The following PTPRN2 variants were observed in gnomAD, a reference collection of about 807,000 sequenced individuals.
PTPRN2 encodes the protein receptor-type tyrosine-protein phosphatase N2.
A neutral mutation model predicts 118.8 loss-of-function variants in PTPRN2; 74 were observed. The ratio of observed to expected loss-of-function variants is 0.62; its 90% CI spans 0.52 to 0.76. The LOEUF (loss-of-function observed/expected upper bound fraction) is 0.76, where lower values mean the gene tolerates loss of function less well. Among genes scored for constraint, PTPRN2 ranks in the 30% least tolerant of loss-of-function variants. The pLI is 0.00. For missense variants in PTPRN2, 1,481 were observed against 1,394.4 expected (o/e 1.06, Z -0.99); for synonymous variants, 641 against 608.0 (o/e 1.05, Z -0.80).
intron 14 of PTPRN2, among the ~76,000 whole-genome samples, chr7:157,649,117 TTCA>T: frequency 7.7e-6 from 1 of 130,592 alleles, no homozygotes; most frequent in Non-Finnish European, 1.7e-5. Flanking sequence ...GTCGGACCCA[TTCA>T]CTGTGCACTG....
At chr7:157,589,067 C>T (rs566210492) in intron 17 of PTPRN2, among the ~76,000 whole-genome samples, 5 of 152,244 alleles carry the variant, frequency 3.3e-5, no homozygotes, top group Non-Finnish European at 7.3e-5. Context: ...TCAGAGCATT[C>T]TCATCTTCCC....
intron 11 of PTPRN2, among the ~76,000 whole-genome samples, chr7:157,899,880 AGC>A (rs1373918554): frequency 6.6e-6 from 1 of 152,218 alleles, no homozygotes; most frequent in African/African-American, 2.4e-5. Flanking sequence ...GATGGGGTAG[AGC>A]CCCAGGGGAG....
At chr7:158,328,359 G>A (rs572061287) in intron 2 of PTPRN2, among the ~76,000 whole-genome samples, 14 of 152,192 alleles carry the variant, frequency 9.2e-5, no homozygotes, top group Non-Finnish European at 1.6e-4. Context: ...AGCTTAGTTC[G>A]TAATGAAACC....
intron 12 of PTPRN2, among the ~76,000 whole-genome samples, chr7:157,693,156 G>C (rs921800882): frequency 5.9e-5 from 9 of 152,044 alleles, no homozygotes; most frequent in Non-Finnish European, 1.3e-4. Context: ...GAGAAGGGAC[G>C]GGGAGGGGAG....
At chr7:157,842,410 C>CT (rs11316558) in intron 12 of PTPRN2, among the ~76,000 whole-genome samples, 2,334 of 93,202 alleles carry the variant, frequency 0.025, 148 homozygotes, top group African/African-American at 0.075. Flanking sequence ...ATTCAGGAGA[C>CT]TTTTTTTTTT....
At chr7:157,698,884 A>G (rs1797936539) in intron 12 of PTPRN2, among the ~76,000 whole-genome samples, 3 of 152,240 alleles carry the variant, frequency 2.0e-5, no homozygotes, top group African/African-American at 7.2e-5. Context: ...ACTGAGCTAA[A>G]ATTCCTTAGA....
At chr7:158,045,005 G>A (rs1808742634) in intron 11 of PTPRN2, among the ~76,000 whole-genome samples, 1 of 152,126 alleles carries the variant, frequency 6.6e-6, no homozygotes, top group Non-Finnish European at 1.5e-5. Flanking sequence ...CCACTGCTCG[G>A]TTATATTTTA....
In PTPRN2 at chr7:158,168,362, C is replaced by T. The variant is rs150999482; in HGVS notation, c.550-1071G>A. 8.9e-3 allele frequency among the ~76,000 whole-genome samples: 1,352 copies of T among 152,314 alleles called. 10 individuals are homozygous for T. The highest frequency in any genetic ancestry group is 0.015 in the Admixed American group (233 of 15,300). On this transcript the variant is annotated intron_variant, in intron 5 of 22. Transcript: ENST00000389418. ...TCCCAGACACATTCATGAGGCTCGG[C>T]GGTGCCTCCCTGGTGGCTAATGATG...
intron 11 of PTPRN2, among the ~76,000 whole-genome samples, chr7:157,947,668 T>C (rs1471928167): frequency 6.6e-6 from 1 of 152,102 alleles, no homozygotes; most frequent in East Asian, 1.9e-4. Flanking sequence ...ACCAATACTA[T>C]CCCAAATTTG....
rs1282636905 is a variant in PTPRN2, at chr7:158,171,296, T to TAC, written c.550-4006_550-4005insGT. On this transcript the variant is annotated intron_variant, in intron 5 of 22. Transcript: ENST00000389418. Reference sequence around the variant, plus strand: ...ATATACACACATATATATACACACATATATATACACACATATATATATATA... The same window carrying TAC: ...ATATACACACATATATATACACACATACATATATACACACATATATATATATA... Among the ~76,000 whole-genome samples, 121 of 34,758 alleles carry TAC rather than the reference T, an allele frequency of 3.5e-3. 2 individuals are homozygous for TAC. The highest frequency in any genetic ancestry group is 0.031 in the Middle Eastern group (1 of 32). The allele number at this position is 34,758 out of a possible 152,430, so 22.8% of individuals were successfully genotyped here. A position where few individuals can be genotyped will look rare whatever the true frequency, so the allele number is the denominator to read the frequency against.
intron 12 of PTPRN2, chr7:157,857,814 G>A (rs1645881751): frequency 6.6e-6 from 1 of 152,434 alleles, no homozygotes; most frequent in Admixed American, 6.5e-5. Context: ...AGAAACAGAT[G>A]TGAGCAGGCG....
intron 2 of PTPRN2, among the ~76,000 whole-genome samples, chr7:158,328,873 G>A (rs944283599): frequency 6.7e-6 from 1 of 148,966 alleles, no homozygotes; most frequent in African/African-American, 2.5e-5. Flanking sequence ...TGAGCGACAA[G>A]CGGGACCTCT....
At chr7:158,468,651 G>T (rs1017948018) in intron 2 of PTPRN2, among the ~76,000 whole-genome samples, 2 of 152,186 alleles carry the variant, frequency 1.3e-5, no homozygotes, top group Non-Finnish European at 2.9e-5. Context: ...CTTGAATAGA[G>T]AGGGGTGCGC....
intron 2 of PTPRN2, among the ~76,000 whole-genome samples, chr7:158,371,512 G>A (rs1272403941): frequency 6.6e-6 from 1 of 151,938 alleles, no homozygotes; most frequent in Non-Finnish European, 1.5e-5. Flanking sequence ...AAACGAGGAG[G>A]CATATTTTCC....
intron 11 of PTPRN2, among the ~76,000 whole-genome samples, chr7:158,018,580 G>T (rs1333767669): frequency 6.6e-6 from 1 of 152,126 alleles, no homozygotes; most frequent in Non-Finnish European, 1.5e-5. Context: ...TGGATCTCTT[G>T]TCCCACAGTG....
rs116288424 is a variant in PTPRN2 at position 158,437,517 on chromosome 7, C to T, written c.163+52218G>A. On this transcript the variant is annotated intron_variant, in intron 2 of 22. Coordinates refer to ENST00000389418, the MANE Select transcript of PTPRN2 (RefSeq NM_002847.5). Reference sequence around the variant, plus strand: ...GGTGAGTCTATCTTCTTACCTTCCTCCTCACTAGACAGCCAGATCGAGGGT... The same window carrying T: ...GGTGAGTCTATCTTCTTACCTTCCTTCTCACTAGACAGCCAGATCGAGGGT... 3.5e-3 allele frequency among the ~76,000 whole-genome samples: 531 copies of T among 152,282 alleles called. 3 individuals carry two copies. The highest frequency in any genetic ancestry group is 0.012 in the African/African-American group (508 of 41,546).
intron 12 of PTPRN2, among the ~76,000 whole-genome samples, chr7:157,706,414 A>G (rs1476620746): frequency 6.6e-6 from 1 of 151,912 alleles, no homozygotes; most frequent in Admixed American, 6.6e-5. Flanking sequence ...ATGTGACCCC[A>G]GTGCCTTCCA....
chr7:157,586,440 G>A (rs542170321), intron 17 of PTPRN2, among the ~76,000 whole-genome samples: 2 of 152,356 alleles, frequency 1.3e-5, no homozygotes, highest in East Asian at 3.9e-4. Context: ...CTAGGGAGCT[G>A]CAGGGACTGG....
In PTPRN2 at chr7:158,556,020, CATAG is replaced by C. The variant is rs372435169; in HGVS notation, c.112+31534_112+31537del. Reference sequence around the variant, plus strand: ...CTTTACTAGATCAACAGATGGTTGTCATAGATAGATAGATAGATACCTAATAGGA... The same window carrying C: ...CTTTACTAGATCAACAGATGGTTGTCATAGATAGATAGATACCTAATAGGA... On this transcript the variant is annotated intron_variant, in intron 1 of 22. Coordinates refer to ENST00000389418, the MANE Select transcript of PTPRN2 (RefSeq NM_002847.5). 7.8e-3 allele frequency among the ~76,000 whole-genome samples: 1,181 copies of C among 152,094 alleles called. 11 individuals are homozygous for C. The highest frequency in any genetic ancestry group is 0.027 in the African/African-American group (1,124 of 41,460).
Sources: allele counts gnomAD v4.1 joint callset (sites outside exome capture counted in the v4.1 genomes callset), GRCh38; gene constraint gnomAD v4.1.1; transcripts MANE v1.5; gene names NCBI Gene and HGNC (gene_info 2026-07-23, HGNC 2026-07-21).